The following ZFHX3 variants were observed in gnomAD, a reference collection of about 807,000 sequenced individuals.
ZFHX3 encodes the protein zinc finger homeobox 3, also known as zinc finger homeobox protein 3.
A neutral mutation model predicts 279.1 loss-of-function variants in ZFHX3; 42 were observed. The observed-to-expected ratio is 0.15, with a 90% CI of 0.12 to 0.19. The LOEUF (loss-of-function observed/expected upper bound fraction) is 0.19. Among genes scored for constraint, ZFHX3 ranks in the 10% least tolerant of loss-of-function variants. The pLI is 1.00. For missense variants in ZFHX3, 4,981 were observed against 4,754.0 expected (o/e 1.05, Z -1.40); for synonymous variants, 2,293 against 1,957.8 (o/e 1.17, Z -4.52).
At chr16:72,965,074 TC>T (rs1031016225) in intron 1 of ZFHX3, among the ~76,000 whole-genome samples, 1 of 151,888 alleles carries the variant, frequency 6.6e-6, no homozygotes, top group African/African-American at 2.4e-5. Flanking sequence ...AGATGGGGTT[TC>T]ACCATGTTGG....
At chr16:73,602,502 C>A (rs1471138271) in intron 2 of ZFHX3, among the ~76,000 whole-genome samples, 1 of 152,134 alleles carries the variant, frequency 6.6e-6, no homozygotes. Context: ...CCTTAATTGT[C>A]CATATATGCC....
Position 73,785,637 on chromosome 16 carries a change from AG to A in ZFHX3, c.-1607-105398del, listed in dbSNP as rs1206709579. On this transcript the variant is annotated intron_variant, in intron 1 of 17. Transcript: ENST00000641206. ...GGTATAAAGGTGGGGTGGTGGGTGC[AG>A]GGTAAATCCTACCCTCATGCTTAAG... Among the ~76,000 whole-genome samples the A allele has an allele frequency of 9.2e-5, 14 of 152,276 alleles. No homozygotes were observed. In the South Asian group the frequency reaches 2.7e-3, roughly 29 times the overall value.
At position 73,784,816 on chromosome 16, in the gene ZFHX3, T is replaced by TATAC. The variant is rs1555501460; in HGVS notation, c.-1607-104577_-1607-104576insGTAT. Reference sequence around the variant, plus strand: ...AAAAAAATATATATATATATATATATACACACACACACACACACACATATA... The same window carrying TATAC: ...AAAAAAATATATATATATATATATATATACACACACACACACACACACACATATA... On this transcript the variant is annotated intron_variant, in intron 1 of 17. Transcript: ENST00000641206. Among the ~76,000 whole-genome samples, 325 of 135,506 alleles carry TATAC rather than the reference T, an allele frequency of 2.4e-3. 1 individual carries two copies. Among genetic ancestry groups the TATAC allele is most frequent in the African/African-American group, 6.3e-3 (220 of 34,842 alleles). The allele number at this position is 135,506 out of a possible 152,430, so 88.9% of individuals were successfully genotyped here. A position where few individuals can be genotyped will look rare whatever the true frequency, so the allele number is the denominator to read the frequency against.
At chr16:73,482,219 T>C (rs1244396544) in intron 2 of ZFHX3, among the ~76,000 whole-genome samples, 1 of 152,130 alleles carries the variant, frequency 6.6e-6, no homozygotes, top group African/African-American at 2.4e-5. Flanking sequence ...TGTGTTAAGC[T>C]AGGCTGTCCA....
chr16:73,272,126 G>A (rs1376936426), intron 4 of ZFHX3, among the ~76,000 whole-genome samples: 2 of 152,144 alleles, frequency 1.3e-5, no homozygotes, highest in Non-Finnish European at 2.9e-5. Context: ...GAAAAGAGCA[G>A]GTAGAGCTAA....
intron 5 of ZFHX3, among the ~76,000 whole-genome samples, chr16:73,144,759 T>G (rs868125085): frequency 6.6e-6 from 1 of 152,030 alleles, no homozygotes; most frequent in Non-Finnish European, 1.5e-5. Flanking sequence ...GGAATCCACA[T>G]CTTCCCCTAA....
At chr16:73,049,360 AT>A (rs1965408026), upstream of ZFHX3, among the ~76,000 whole-genome samples, 1 of 152,228 alleles carries the variant, frequency 6.6e-6, no homozygotes, top group Non-Finnish European at 1.5e-5. Flanking sequence ...AGTGTTAGAA[AT>A]ATAATCAGCT....
intron 2 of ZFHX3, among the ~76,000 whole-genome samples, chr16:73,670,736 T>C (rs573231285): frequency 4.7e-4 from 72 of 152,312 alleles, no homozygotes; most frequent in Admixed American, 1.0e-3. Context: ...AACTATACTG[T>C]GACATTTGCA....
chr16:72,992,964 C>T (rs1365854951), intron 1 of ZFHX3, among the ~76,000 whole-genome samples: 1 of 152,204 alleles, frequency 6.6e-6, no homozygotes, highest in Non-Finnish European at 1.5e-5. Flanking sequence ...TGGTGAGACC[C>T]CATCTCTACT....
At chr16:73,122,261 A>G (rs1966508095) in intron 7 of ZFHX3, among the ~76,000 whole-genome samples, 1 of 151,836 alleles carries the variant, frequency 6.6e-6, no homozygotes, top group Non-Finnish European at 1.5e-5. Flanking sequence ...GCTGGAGTGC[A>G]GTGACGCAAT....
intron 1 of ZFHX3, among the ~76,000 whole-genome samples, chr16:73,777,666 T>C (rs1317376507): frequency 6.6e-6 from 1 of 152,184 alleles, no homozygotes; most frequent in Non-Finnish European, 1.5e-5. Context: ...CAATGGCTGA[T>C]ACCCAATGAG....
At chr16:73,278,274 A>G (rs917218761) in intron 4 of ZFHX3, among the ~76,000 whole-genome samples, 3 of 152,216 alleles carry the variant, frequency 2.0e-5, no homozygotes, top group African/African-American at 7.2e-5. Context: ...ATCTCTTGTT[A>G]ATCAATTTTA....
intron 1 of ZFHX3, among the ~76,000 whole-genome samples, chr16:73,879,367 T>G (rs72805045): frequency 0.15 from 22,387 of 151,664 alleles, 1,943 homozygotes; most frequent in Non-Finnish European, 0.2. Context: ...TTATGCGGTA[T>G]GGGATGGAGA....
chr16:73,328,801 C>T (rs915845743), intron 3 of ZFHX3, among the ~76,000 whole-genome samples: 3 of 152,192 alleles, frequency 2.0e-5, no homozygotes, highest in African/African-American at 7.2e-5. Context: ...CCATTTGCTT[C>T]CTGTTGAAAC....
At chr16:73,093,124 C>G (rs770477347) in intron 8 of ZFHX3, 4 of 519,948 alleles carry the variant, frequency 7.7e-6, no homozygotes, top group Non-Finnish European at 1.2e-5. Context: ...ACTCTGAAAA[C>G]AAGAACAACC....
chr16:73,521,005 C>A (rs1425995947), intron 2 of ZFHX3, among the ~76,000 whole-genome samples: 1 of 152,090 alleles, frequency 6.6e-6, no homozygotes, highest in Non-Finnish European at 1.5e-5. Context: ...ATCCTTGGAC[C>A]CTTCAGAATT....
At chr16:73,523,594 G>A (rs2143711408) in intron 2 of ZFHX3, among the ~76,000 whole-genome samples, 1 of 150,326 alleles carries the variant, frequency 6.7e-6, no homozygotes, top group Middle Eastern at 3.5e-3. Flanking sequence ...ACAGTGCTGG[G>A]GGTAGGGGGC....
At chr16:73,245,456 T>C (rs1365792683) in intron 5 of ZFHX3, among the ~76,000 whole-genome samples, 1 of 152,106 alleles carries the variant, frequency 6.6e-6, no homozygotes, top group East Asian at 1.9e-4. Context: ...TTTTCAACAC[T>C]GTGTCAGGCA....
chr16:72,885,357 A>C (rs907698838), intron 4 of ZFHX3, among the ~76,000 whole-genome samples: 1 of 152,254 alleles, frequency 6.6e-6, no homozygotes, highest in African/African-American at 2.4e-5. Context: ...TTACGTAGCC[A>C]GTCATGGCAG....
Sources: allele counts gnomAD v4.1 joint callset (sites outside exome capture counted in the v4.1 genomes callset), GRCh38; gene constraint gnomAD v4.1.1; transcripts MANE v1.5; gene names NCBI Gene and HGNC (gene_info 2026-07-23, HGNC 2026-07-21).